SGCZ: variants seen among roughly 807,000 people sequenced by gnomAD.
The protein encoded by SGCZ is sarcoglycan zeta, also known as zeta-sarcoglycan.
A neutral mutation model predicts 41.3 loss-of-function variants in SGCZ; 40 were observed. The observed-to-expected ratio is 0.97, with a 90% CI of 0.75 to 1.26. SGCZ has a LOEUF of 1.26. Among genes scored for constraint, SGCZ ranks in the 50% most tolerant of loss-of-function variants. The pLI, the probability that SGCZ is intolerant of heterozygous loss-of-function variation, is 0.00. For synonymous variants in SGCZ, 206 were observed against 137.5 expected (o/e 1.50, Z -3.49); for missense variants, 552 against 369.8 (o/e 1.49, Z -4.04).
At chr8:14,300,372 GAGGGAGGAAGGGAATGAGGA>G (rs993895340) in intron 3 of SGCZ, among the ~76,000 whole-genome samples, 3 of 151,430 alleles carry the variant, frequency 2.0e-5, no homozygotes, top group African/African-American at 7.3e-5. Flanking sequence ...GGAAGAGAGG[GAGGGAGGAAGGGAATGAGGA>G]AGGGAAGAAT....
chr8:14,866,309 T>C (rs1243979883), intron 1 of SGCZ, among the ~76,000 whole-genome samples: 1 of 152,134 alleles, frequency 6.6e-6, no homozygotes, highest in Non-Finnish European at 1.5e-5. Context: ...TCGGGGCCAA[T>C]CAATGGAATT....
At chr8:15,099,748 A>G (rs1270803925) in intron 1 of SGCZ, among the ~76,000 whole-genome samples, 1 of 152,220 alleles carries the variant, frequency 6.6e-6, no homozygotes, top group African/African-American at 2.4e-5. Context: ...AAAATGTTGT[A>G]CACCACAACC....
intron 1 of SGCZ, among the ~76,000 whole-genome samples, chr8:14,956,600 T>A (rs1800799953): frequency 6.6e-6 from 1 of 152,074 alleles, no homozygotes; most frequent in African/African-American, 2.4e-5. Context: ...AGTAACACAA[T>A]AACAAAATCA....
chr8:14,169,076 C>T (rs1804295622), intron 4 of SGCZ, among the ~76,000 whole-genome samples: 1 of 152,080 alleles, frequency 6.6e-6, no homozygotes, highest in Non-Finnish European at 1.5e-5. Context: ...AGTACTAAGT[C>T]CTAAGTGCTA....
At chr8:14,904,953 T>A (rs913178746) in intron 1 of SGCZ, among the ~76,000 whole-genome samples, 1 of 152,006 alleles carries the variant, frequency 6.6e-6, no homozygotes, top group Non-Finnish European at 1.5e-5. Context: ...TGTATTCATA[T>A]AATGTATCTT....
At chr8:14,140,106 T>A (rs949787624) in intron 5 of SGCZ, among the ~76,000 whole-genome samples, 8 of 152,142 alleles carry the variant, frequency 5.3e-5, no homozygotes, top group Non-Finnish European at 1.0e-4. Context: ...GAAAATACCT[T>A]CGACAAAATT....
At chr8:14,852,609 A>G (rs1390830445) in intron 1 of SGCZ, among the ~76,000 whole-genome samples, 1 of 152,196 alleles carries the variant, frequency 6.6e-6, no homozygotes, top group Non-Finnish European at 1.5e-5. Context: ...TGAACAATTT[A>G]TTGACTTTTT....
At chr8:15,012,298 A>G (rs1278445789) in intron 1 of SGCZ, among the ~76,000 whole-genome samples, 2 of 151,602 alleles carry the variant, frequency 1.3e-5, no homozygotes, top group Non-Finnish European at 1.5e-5. Flanking sequence ...CTCCACCTCT[A>G]CAGAAAAATA....
chr8:14,589,189 A>G (rs1383755678), intron 1 of SGCZ, among the ~76,000 whole-genome samples: 2 of 151,612 alleles, frequency 1.3e-5, no homozygotes, highest in South Asian at 4.2e-4. Flanking sequence ...TAAATATAAT[A>G]AAAAAAACGA....
intron 1 of SGCZ, among the ~76,000 whole-genome samples, chr8:14,725,806 C>A (rs1810029193): frequency 6.6e-6 from 1 of 151,944 alleles, no homozygotes; most frequent in African/African-American, 2.4e-5. Context: ...TTGAAATATA[C>A]AAAAGATTTA....
At chr8:15,041,942 C>G in intron 1 of SGCZ, among the ~76,000 whole-genome samples, 1 of 152,102 alleles carries the variant, frequency 6.6e-6, no homozygotes, top group Non-Finnish European at 1.5e-5. Flanking sequence ...GAAACTAATT[C>G]TACCATACAA....
At chr8:14,575,141 C>T (rs911126889) in intron 1 of SGCZ, among the ~76,000 whole-genome samples, 1 of 152,090 alleles carries the variant, frequency 6.6e-6, no homozygotes, top group Admixed American at 6.5e-5. Flanking sequence ...TTAGTGAAGA[C>T]TGGAGAATAA....
intron 1 of SGCZ, among the ~76,000 whole-genome samples, chr8:14,708,445 T>A (rs929675186): frequency 1.1e-4 from 16 of 151,924 alleles, no homozygotes; most frequent in African/African-American, 1.9e-4. Flanking sequence ...TTTTTTTTTT[T>A]AATCATTTGG....
chr8:14,542,198 T>A (rs553258921), intron 2 of SGCZ, among the ~76,000 whole-genome samples: 56 of 152,236 alleles, frequency 3.7e-4, no homozygotes, highest in Non-Finnish European at 4.1e-4. Flanking sequence ...AGTCATGAAG[T>A]CTTTGTCCAT....
In SGCZ at chr8:14,510,757, AACTTGCAGTTGTG is replaced by A. The variant is rs558024228; in HGVS notation, c.234+43962_234+43974del. 8.0e-4 allele frequency among the ~76,000 whole-genome samples: 122 copies of A among 152,312 alleles called. No homozygotes were observed. The South Asian group carries it at 0.015, about 19-fold the overall frequency. Reference sequence around the variant, plus strand: ...TTGCCTCAGAACATTTACTTTAGAAAACTTGCAGTTGTGAATCGCATTTTGCTCCTTTGAGTTA... The same window carrying A: ...TTGCCTCAGAACATTTACTTTAGAAAAATCGCATTTTGCTCCTTTGAGTTA... On this transcript the variant is annotated intron_variant, in intron 2 of 7. Coordinates refer to ENST00000382080, the MANE Select transcript of SGCZ (RefSeq NM_139167.4).
chr8:14,503,036 C>A (rs1473738539), intron 2 of SGCZ, among the ~76,000 whole-genome samples: 2 of 152,054 alleles, frequency 1.3e-5, no homozygotes, highest in Non-Finnish European at 2.9e-5. Context: ...CAAAGACTTG[C>A]AACTCACCCA....
intron 6 of SGCZ, among the ~76,000 whole-genome samples, chr8:14,105,235 G>C (rs1001394191): frequency 4.6e-5 from 7 of 151,962 alleles, no homozygotes; most frequent in African/African-American, 7.2e-5. Context: ...CACAGAACTT[G>C]AGAAATACTA....
intron 1 of SGCZ, among the ~76,000 whole-genome samples, chr8:15,152,269 A>C (rs995889937): frequency 2.6e-5 from 4 of 152,232 alleles, no homozygotes; most frequent in Admixed American, 1.3e-4. Context: ...GGAATAGTTA[A>C]AACATGATGA....
intron 3 of SGCZ, among the ~76,000 whole-genome samples, chr8:14,247,442 T>A (rs998804605): frequency 6.6e-6 from 1 of 152,198 alleles, no homozygotes; most frequent in Non-Finnish European, 1.5e-5. Flanking sequence ...TGGGGTAATC[T>A]ATCACTTCCT....
Sources: gnomAD v4.1 joint callset for allele counts (sites outside exome capture counted in the v4.1 genomes callset) on GRCh38, gnomAD v4.1.1 for gene constraint, MANE v1.5 for transcripts, NCBI Gene and HGNC (gene_info 2026-07-23, HGNC 2026-07-21) for gene names.